Variants in ZNF208 observed in about 807,000 individuals in gnomAD.
ZNF208 encodes zinc finger protein 208, also known as zinc finger protein 95.
A neutral mutation model predicts 12.1 loss-of-function variants in ZNF208; 10 were observed. The ratio of observed to expected loss-of-function variants is 0.83; its 90% confidence interval spans 0.51 to 1.40. The LOEUF is 1.40. ZNF208 is among the 40% of genes most tolerant of loss of function. ZNF208 has a pLI of 0.00. For synonymous variants in ZNF208, 497 were observed against 488.4 expected (o/e 1.02, Z -0.23); for missense variants, 1,652 against 1,485.0 (o/e 1.11, Z -1.85).
chr19:21,969,906 C>T lies in ZNF208; in HGVS notation c.*1285G>A, dbSNP rs948744748. On this transcript the variant is annotated 3_prime_UTR_variant, in exon 4 of 4. Coordinates refer to ENST00000397126, the MANE Select transcript of ZNF208 (RefSeq NM_007153.3). ...TGTGAGAAGATATTACTGGCATTAA[C>T]AAAAATTTTTTTTTCCAGACAGTCT... is the stretch of plus-strand genomic sequence containing the variant. 6.6e-6 allele frequency among the ~76,000 whole-genome samples: 1 copy of T among 151,808 alleles called. No individual in the cohort carries two copies. The highest frequency in any genetic ancestry group is 2.4e-5 in the African/African-American group (1 of 41,180).
chr19:21,939,867 T>G (rs538437027), intron 4 of ZNF208: 1 of 152,302 alleles, frequency 6.6e-6, no homozygotes, highest in South Asian at 2.1e-4. Context: ...AGCCAACAGG[T>G]TAAAATGAGA....
At chr19:21,950,929 A>C (rs1009228210) in intron 4 of ZNF208, among the ~76,000 whole-genome samples, 2 of 152,152 alleles carry the variant, frequency 1.3e-5, no homozygotes, top group South Asian at 2.1e-4. Flanking sequence ...TGTGATGTCT[A>C]TAAAAAACCT....
At chr19:21,961,440 A>G (rs182504525), downstream of ZNF208, among the ~76,000 whole-genome samples, 37 of 152,302 alleles carry the variant, frequency 2.4e-4, no homozygotes, top group East Asian at 6.8e-3. Flanking sequence ...CAAAATTAGC[A>G]TTACTGATGA....
Position 21,974,149 on chromosome 19 carries a change from A to G in ZNF208, c.885T>C (p.Ser295=), listed in dbSNP as rs750193108. The G allele has an allele frequency of 3.1e-6, 5 of 1,611,866 alleles. No individual in the cohort carries two copies. The African/African-American group carries it at 6.7e-5, about 22-fold the overall frequency. ...TATGTGTAGTAAGAGTCGAGACCTT[A>G]CTAAAGGCTTTGCCACATTCTTCAC... is the stretch of plus-strand genomic sequence containing the variant. ...NKCEECGKAF[S]KVSTLTTHKA... Residue 295 remains serine (S), a synonymous_variant, in exon 4 of 4, where the codon AGT becomes AGC. Transcript: ENST00000397126.
intron 1 of ZNF208, among the ~76,000 whole-genome samples, chr19:21,990,443 ATCTCTGATATC>A (rs1970711995): frequency 4.1e-5 from 1 of 24,420 alleles, no homozygotes; most frequent in African/African-American, 2.7e-4. Context: ...ATTGATCTAT[ATCTCTGATATC>A]TCTGTTTTGG....
At chr19:21,991,740 C>CAAAAAAAAA (rs555662605) in intron 1 of ZNF208, 1 of 73,792 alleles carries the variant, frequency 1.4e-5, no homozygotes, top group Non-Finnish European at 3.1e-5. Context: ...AACTCCATCT[C>CAAAAAAAAA]AAAAAAAAAA....
chr19:21,949,458 G>A (rs1230983124), intron 4 of ZNF208, among the ~76,000 whole-genome samples: 1 of 152,030 alleles, frequency 6.6e-6, no homozygotes, highest in Non-Finnish European at 1.5e-5. Context: ...AAACTCATTG[G>A]GGGGACCTTA....
At chr19:21,961,937 A>T (rs1970077469), downstream of ZNF208, among the ~76,000 whole-genome samples, 1 of 152,104 alleles carries the variant, frequency 6.6e-6, no homozygotes, top group South Asian at 2.1e-4. Context: ...AATTTGTACA[A>T]TACTGGTCCT....
Position 21,972,971 on chromosome 19 carries a change from G to C in ZNF208, c.2063C>G (p.Thr688Ser). 1 of 1,613,696 alleles carries C rather than the reference G, an allele frequency of 6.2e-7. No homozygotes were observed. Among genetic ancestry groups the C allele is most frequent in the South Asian group, 1.1e-5 (1 of 91,042 alleles). Residue 688 changes from threonine (T) to serine (S), a missense_variant, in exon 4 of 4, where the codon ACT becomes AGT. By Grantham distance (58) the Thr-to-Ser change is moderately conservative. Around this residue, in one of 3 missense-constraint regions of ZNF208, gnomAD observed 1,239 missense variants for 1,086.2 expected, o/e 1.14. Coordinates refer to ENST00000397126, the MANE Select transcript of ZNF208 (RefSeq NM_007153.3). The stretch of plus-strand genomic sequence containing the variant: ...TTCACATTTGTAGGGTTTCTCTCCA[G>C]TATGAATTACCTTATGTTTAGTAAG... ...SILTKHKVIH[T>S]GEKPYKCEEC...
rs773539148 is a variant in ZNF208, at chr19:21,973,109, C to T, written c.1925G>A (p.Cys642Tyr). 6.2e-7 allele frequency: 1 copy of T among 1,613,402 alleles called. No individual in the cohort carries two copies. Among genetic ancestry groups the T allele is most frequent in the South Asian group, 1.1e-5 (1 of 91,008 alleles). ...AGEKPYKCKE[C>Y]GKTFIKVSTL... ...TGAGACCTTAATAAAGGTTTTGCCA[C>T]ATTCTTTACATTTGTAGGGCTTCTC... is the stretch of plus-strand genomic sequence containing the variant. The change falls in exon 4 of 4, where the codon TGT (cysteine) becomes TAT (tyrosine). Residue 642 changes from cysteine (C) to tyrosine (Y), a missense_variant. Physicochemically the swap from Cys to Tyr is radical, Grantham distance 194. This residue lies in a region of ZNF208 where 1,239 missense variants were observed against 1,086.2 expected (regional missense o/e 1.14). Coordinates refer to ENST00000397126, the MANE Select transcript of ZNF208 (RefSeq NM_007153.3).
intron 1 of ZNF208, among the ~76,000 whole-genome samples, chr19:21,996,593 G>C (rs1193196231): frequency 1.3e-5 from 2 of 152,142 alleles, no homozygotes; most frequent in African/African-American, 4.8e-5. Flanking sequence ...TCAAGACTTA[G>C]ATTTAGAATA....
chr19:21,992,768 T>A (rs1970764072), intron 1 of ZNF208, among the ~76,000 whole-genome samples: 1 of 152,182 alleles, frequency 6.6e-6, no homozygotes, highest in African/African-American at 2.4e-5. Flanking sequence ...AAAATATATA[T>A]TTTTCAGAGA....
intron 4 of ZNF208, among the ~76,000 whole-genome samples, chr19:21,960,451 A>C (rs2145527114): frequency 6.6e-6 from 1 of 152,352 alleles, no homozygotes; most frequent in East Asian, 1.9e-4. Context: ...AATCAACCTA[A>C]GTGTACATCA....
chr19:21,978,286 C>G (rs1479774449), intron 3 of ZNF208, among the ~76,000 whole-genome samples: 1 of 152,174 alleles, frequency 6.6e-6, no homozygotes, highest in Non-Finnish European at 1.5e-5. Flanking sequence ...TAAGAGACAC[C>G]TCCCAGTAGA....
At chr19:21,962,673 G>C (rs1040615479), downstream of ZNF208, among the ~76,000 whole-genome samples, 31 of 152,156 alleles carry the variant, frequency 2.0e-4, no homozygotes, top group Admixed American at 1.9e-3. Flanking sequence ...GTAGAGCTGA[G>C]AAAAGCAGTT....
intron 1 of ZNF208, among the ~76,000 whole-genome samples, chr19:21,992,036 G>A (rs1970748107): frequency 1.3e-5 from 2 of 151,824 alleles, no homozygotes; most frequent in African/African-American, 4.8e-5. Context: ...AGTTTTTCTG[G>A]TTTGTAAACA....
intron 4 of ZNF208, among the ~76,000 whole-genome samples, chr19:21,957,633 ATGGCTTGGCCCAACTTTAT>A (rs1231679502): frequency 2.0e-5 from 3 of 152,180 alleles, no homozygotes; most frequent in Non-Finnish European, 4.4e-5. Context: ...GTACAAATCC[ATGGCTTGGCCCAACTTTAT>A]AAAGTCTTAT....
chr19:21,993,132 C>A (rs571215780), intron 1 of ZNF208, among the ~76,000 whole-genome samples: 11 of 152,106 alleles, frequency 7.2e-5, no homozygotes, highest in Admixed American at 1.3e-4. Context: ...CCTTTATAGC[C>A]GAAGAGATTA....
At chr19:21,976,720 C>G (rs1384072618) in intron 3 of ZNF208, among the ~76,000 whole-genome samples, 1 of 152,134 alleles carries the variant, frequency 6.6e-6, no homozygotes, top group Non-Finnish European at 1.5e-5. Context: ...ACCACCACAC[C>G]CAGCTAATTT....
Sources: allele counts gnomAD v4.1 joint callset (sites outside exome capture counted in the v4.1 genomes callset), GRCh38; gene constraint gnomAD v4.1.1; regional missense constraint gnomAD v4.1.1; transcripts MANE v1.5; gene names NCBI Gene and HGNC (gene_info 2026-07-23, HGNC 2026-07-21).